PAWR: variants seen among roughly 807,000 people sequenced by gnomAD.
The protein encoded by PAWR is pro-apoptotic WT1 regulator.
PAWR carries 23 observed loss-of-function variants against 32.0 expected under a neutral mutation model. That is an observed-to-expected ratio of 0.72 (90% confidence interval 0.52 to 1.02). The LOEUF (loss-of-function observed/expected upper bound fraction) is 1.02. Among genes scored for constraint, PAWR ranks in the 50% least tolerant of loss-of-function variants. PAWR has a pLI of 0.00. For missense variants in PAWR, 457 were observed against 437.7 expected (o/e 1.04, Z -0.39); for synonymous variants, 226 against 187.1 (o/e 1.21, Z -1.70).
At chr12:79,629,425 T>C (rs889880841) in intron 2 of PAWR, among the ~76,000 whole-genome samples, 11 of 152,004 alleles carry the variant, frequency 7.2e-5, no homozygotes, top group African/African-American at 2.7e-4. Context: ...GGTCAATTCA[T>C]CCAGAAGACA....
intron 2 of PAWR, among the ~76,000 whole-genome samples, chr12:79,661,909 A>G (rs1171366999): frequency 6.6e-6 from 1 of 152,138 alleles, no homozygotes; most frequent in Non-Finnish European, 1.5e-5. Flanking sequence ...AGTAACAAAA[A>G]GTAAAAATAA....
intron 2 of PAWR, among the ~76,000 whole-genome samples, chr12:79,633,693 A>G (rs948066148): frequency 6.6e-6 from 1 of 152,238 alleles, no homozygotes; most frequent in Non-Finnish European, 1.5e-5. Context: ...CAAAGAACAT[A>G]AGAACCAACA....
chr12:79,661,590 C>T (rs2136824305), intron 2 of PAWR, among the ~76,000 whole-genome samples: 1 of 152,160 alleles, frequency 6.6e-6, no homozygotes, highest in East Asian at 1.9e-4. Flanking sequence ...AGTTTTCTTA[C>T]TCAAAAATTT....
chr12:79,631,440 A>C (rs1875621391), intron 2 of PAWR, among the ~76,000 whole-genome samples: 1 of 152,234 alleles, frequency 6.6e-6, no homozygotes, highest in Admixed American at 6.5e-5. Flanking sequence ...ATTTAAAAAC[A>C]AACTACCAGA....
chr12:79,632,292 T>A (rs865777556), intron 2 of PAWR: 2 of 55,846 alleles, frequency 3.6e-5, no homozygotes, highest in East Asian at 5.4e-4. Flanking sequence ...AATAGAAATA[T>A]ATACATATAT....
At chr12:79,614,858 G>T (rs886306036) in intron 3 of PAWR, among the ~76,000 whole-genome samples, 1 of 152,186 alleles carries the variant, frequency 6.6e-6, no homozygotes, top group Non-Finnish European at 1.5e-5. Flanking sequence ...TAAGAGGAGG[G>T]ATCGGATCAA....
intron 2 of PAWR, among the ~76,000 whole-genome samples, chr12:79,643,262 T>C (rs573067757): frequency 1.3e-5 from 2 of 152,104 alleles, no homozygotes; most frequent in African/African-American, 4.8e-5. Flanking sequence ...CCAATTTATA[T>C]AGTACCCTTA....
chr12:79,593,535 C>A (rs1237648294), intron 6 of PAWR, among the ~76,000 whole-genome samples: 1 of 151,494 alleles, frequency 6.6e-6, no homozygotes, highest in Non-Finnish European at 1.5e-5. Flanking sequence ...TTTATTCTTG[C>A]AGTTTAAAAT....
At chr12:79,642,292 T>C (rs1876363979) in intron 2 of PAWR, among the ~76,000 whole-genome samples, 1 of 152,184 alleles carries the variant, frequency 6.6e-6, no homozygotes, top group African/African-American at 2.4e-5. Context: ...CAGCCCAAGA[T>C]TGAGGTATGA....
chr12:79,647,268 G>T lies in PAWR; in HGVS notation c.517-26061C>A, dbSNP rs138844394. Among the ~76,000 whole-genome samples the T allele has an allele frequency of 4.0e-3, 604 of 151,886 alleles. 4 individuals are homozygous for T. The highest frequency in any genetic ancestry group is 0.014 in the African/African-American group (582 of 41,428). On this transcript the variant is annotated intron_variant, in intron 2 of 6. Transcript: ENST00000328827. ...TACTGCAGAGATAATTACTAAATTTGGTGGTAAAGTTAAACTTTAAAGTTA... is the reference window on the plus strand; with the variant it reads ...TACTGCAGAGATAATTACTAAATTTTGTGGTAAAGTTAAACTTTAAAGTTA...
chr12:79,604,472 T>C (rs1019666635), intron 4 of PAWR: 2 of 1,073,754 alleles, frequency 1.9e-6, no homozygotes, highest in African/African-American at 3.4e-5. Flanking sequence ...GCTAGAGGAA[T>C]TTTCCACTAA....
chr12:79,644,465 G>A (rs1876477012), intron 2 of PAWR, among the ~76,000 whole-genome samples: 1 of 152,118 alleles, frequency 6.6e-6, no homozygotes, highest in South Asian at 2.1e-4. Flanking sequence ...AGTCACCTAA[G>A]TGGAAGATTT....
Position 79,630,368 on chromosome 12 carries a change from C to G in PAWR, c.517-9161G>C, listed in dbSNP as rs113018573. Among the ~76,000 whole-genome samples the G allele has an allele frequency of 7.0e-3, 1,057 of 151,852 alleles. 5 individuals are homozygous for G. The highest frequency in any genetic ancestry group is 0.024 in the Middle Eastern group (7 of 294). On this transcript the variant is annotated intron_variant, in intron 2 of 6. Transcript: ENST00000328827. ...AGGCTGGAGTGCAGTGGTGTAATCT[C>G]GGCTCACTGCAACCTCTGCCTCCCG...
rs200677061 is a variant in PAWR at position 79,639,833 on chromosome 12, C to CATTCCT, written c.517-18632_517-18627dup. ...TCCATTCCTTTTCCTTTTCCTTTTCCATTCCTATTCCTATTCCTATTCCTA... is the reference window on the plus strand; with the variant it reads ...TCCATTCCTTTTCCTTTTCCTTTTCCATTCCTATTCCTATTCCTATTCCTATTCCTA... On this transcript the variant is annotated intron_variant, in intron 2 of 6. Transcript: ENST00000328827. Among the ~76,000 whole-genome samples, 95 of 127,566 alleles carry CATTCCT rather than the reference C, an allele frequency of 7.4e-4. 1 individual carries two copies. Among genetic ancestry groups the CATTCCT allele is most frequent in the East Asian group, 2.2e-3 (10 of 4,540 alleles). The allele number at this position is 127,566 out of a possible 152,430, so 83.7% of individuals were successfully genotyped here.
intron 2 of PAWR, among the ~76,000 whole-genome samples, chr12:79,674,860 A>G (rs1827834822): frequency 6.6e-6 from 1 of 152,220 alleles, no homozygotes; most frequent in Non-Finnish European, 1.5e-5. Context: ...ACAATAAGAT[A>G]CCATCTCACA....
chr12:79,653,698 C>T (rs566253221), intron 2 of PAWR, among the ~76,000 whole-genome samples: 14 of 151,094 alleles, frequency 9.3e-5, no homozygotes, highest in African/African-American at 2.7e-4. Flanking sequence ...AGGTTTGTCT[C>T]GAACTCCCAA....
At position 79,632,361 on chromosome 12, in the gene PAWR, A is replaced by ATATATATATATTTT. The variant is rs1566011212; in HGVS notation, c.517-11155_517-11154insAAAATATATATATA. On this transcript the variant is annotated intron_variant, in intron 2 of 6. Transcript: ENST00000328827. Reference sequence around the variant, plus strand: ...TATATATATATATATATATATATATATTTTTTTTTTTTTTTAGACAGGGTC... The same window carrying ATATATATATATTTT: ...TATATATATATATATATATATATATATATATATATATTTTTTTTTTTTTTTTTTTAGACAGGGTC... Among the ~76,000 whole-genome samples, 2 of 20,606 alleles carry ATATATATATATTTT rather than the reference A, an allele frequency of 9.7e-5. 1 individual carries two copies. The highest frequency in any genetic ancestry group is 6.0e-4 in the African/African-American group (2 of 3,352). 13.5% of individuals were successfully genotyped at this position (20,606 alleles called of 152,430 possible). A position where few individuals can be genotyped will look rare whatever the true frequency, so the allele number is the denominator to read the frequency against.
chr12:79,592,727 T>TA (rs773220236), intron 6 of PAWR, 34 bp from the exon 7 acceptor site: 1 of 706,852 alleles, frequency 1.4e-6, no homozygotes, highest in South Asian at 1.5e-5. Context: ...TAAAAATACT[T>TA]AAAAATATTT....
chr12:79,604,178 A>G (rs1874075806), intron 4 of PAWR: 2 of 939,028 alleles, frequency 2.1e-6, no homozygotes, highest in Non-Finnish European at 2.5e-6. Flanking sequence ...ATTAACTCCA[A>G]AAAGTTTTTA....
Sources: allele counts gnomAD v4.1 joint callset (sites outside exome capture counted in the v4.1 genomes callset), GRCh38; gene constraint gnomAD v4.1.1; transcripts MANE v1.5; gene names NCBI Gene and HGNC (gene_info 2026-07-23, HGNC 2026-07-21).